The following KRT26 variants were observed in gnomAD, a reference collection of about 807,000 sequenced individuals.
The protein encoded by KRT26 is keratin, type I cytoskeletal 26.
Under a neutral mutation model 46.1 loss-of-function variants are expected in KRT26, and 45 were observed. The observed-to-expected ratio is 0.98, with a 90% CI of 0.77 to 1.25. KRT26 has a LOEUF of 1.25. KRT26 is among the 50% of genes most tolerant of loss of function. The pLI is 0.00. For missense variants in KRT26, 582 were observed against 560.1 expected (o/e 1.04, Z -0.39); for synonymous variants, 191 against 209.9 (o/e 0.91, Z 0.78).
chr17:40,768,311 T>C (rs947295308), intron 6 of KRT26, among the ~76,000 whole-genome samples: 1 of 152,204 alleles, frequency 6.6e-6, no homozygotes, highest in Admixed American at 6.6e-5. Context: ...TAGTTAAGAC[T>C]TGTTACAAGT....
At chr17:40,771,447 G>A (rs2038220436) in intron 1 of KRT26, among the ~76,000 whole-genome samples, 1 of 152,132 alleles carries the variant, frequency 6.6e-6, no homozygotes, top group African/African-American at 2.4e-5. Flanking sequence ...AATGGTATGA[G>A]CTAAATATAT....
chr17:40,771,194 T>C (rs1426565009), exon 2 of KRT26: 1 of 1,608,582 alleles, frequency 6.2e-7, no homozygotes, highest in Non-Finnish European at 8.5e-7. Context: ...GCATTGTCAT[T>C]TTGTAGAACA....
exon 8 of KRT26, chr17:40,766,635 C>A: frequency 6.2e-7 from 1 of 1,612,604 alleles, no homozygotes; most frequent in Non-Finnish European, 8.5e-7. Flanking sequence ...GTTCCTCAAC[C>A]ACTGTTTTAA....
exon 8 of KRT26, chr17:40,766,314 T>C (rs191456290): frequency 2.3e-4 from 90 of 394,380 alleles, no homozygotes; most frequent in African/African-American, 1.8e-3. Flanking sequence ...CAGAGCAGGA[T>C]TTTTCTACTC....
chr17:40,771,922 T>A, exon 1 of KRT26: 2 of 1,614,040 alleles, frequency 1.2e-6, no homozygotes, highest in Non-Finnish European at 1.7e-6. Context: ...AGGCACCACT[T>A]CCCAACCCTC....
At position 40,770,288 on chromosome 17, in the gene KRT26, C is replaced by A. The variant is rs1243151895; in HGVS notation, c.646G>T (p.Glu216Ter). 3 of 1,614,164 alleles carry A rather than the reference C, an allele frequency of 1.9e-6. No homozygotes were observed. In the South Asian group the frequency reaches 3.3e-5, roughly 18 times the overall value. ...CTTTTTTTGAGGTAGGTCAATTCCT[C>A]ACTGAGGGTCTCACACTGTATCTCC... The change falls in exon 3 of 8, where the codon GAG becomes TAG. Residue 216 changes from glutamate to a stop codon, truncating the protein, a stop_gained. Coordinates refer to ENST00000335552, the Ensembl canonical transcript of KRT26. LOFTEE classifies it high-confidence loss of function.
chr17:40,769,729 C>G, intron 5 of KRT26, 25 bp downstream of exon 5: 1 of 1,613,048 alleles, frequency 6.2e-7, no homozygotes, highest in Non-Finnish European at 8.5e-7. Context: ...CACATATATT[C>G]AATTCAATGG....
At chr17:40,770,440 T>A in intron 2 of KRT26, 31 bp from the exon 3 acceptor site, 1 of 1,551,086 alleles carries the variant, frequency 6.4e-7, no homozygotes, top group Non-Finnish European at 8.7e-7. Context: ...CTGAGAGTTG[T>A]CATCGTAGGC....
At chr17:40,766,689 T>C in intron 7 of KRT26, 23 bp from the exon 8 acceptor site, 1 of 1,562,156 alleles carries the variant, frequency 6.4e-7, no homozygotes. Flanking sequence ...AAATAAAACA[T>C]TAGTGGTCAT....
exon 8 of KRT26, chr17:40,766,469 TC>T (rs2038172936): frequency 8.2e-6 from 11 of 1,334,288 alleles, no homozygotes; most frequent in African/African-American, 3.5e-5. Context: ...TCTTTCTTTC[TC>T]TCTCTCTCTC....
intron 2 of KRT26, 33 bp downstream of exon 2, chr17:40,771,121 A>G (rs763410562): frequency 4.7e-6 from 6 of 1,267,742 alleles, no homozygotes; most frequent in Non-Finnish European, 6.6e-6. Flanking sequence ...TTTAACTTTT[A>G]TTAATATAAT....
intron 5 of KRT26, 132 bp from the exon 6 acceptor site, chr17:40,769,228 G>T: frequency 1.7e-6 from 1 of 576,450 alleles, no homozygotes; most frequent in Non-Finnish European, 3.0e-6. Context: ...CATGATCTTG[G>T]CTCACTGCAG....
At chr17:40,766,753 T>C in intron 7 of KRT26, 87 bp from the exon 8 acceptor site, 1 of 998,900 alleles carries the variant, frequency 1.0e-6, no homozygotes, top group South Asian at 1.6e-5. Flanking sequence ...TTTGTTTGTT[T>C]TTTTGAGAAG....
chr17:40,770,484 A>G (rs1337724548), intron 2 of KRT26, 75 bp from the exon 3 acceptor site: 1 of 1,195,824 alleles, frequency 8.4e-7, no homozygotes, highest in East Asian at 2.3e-5. Flanking sequence ...GGTATTTCAT[A>G]TGCTGAAAGA....
chr17:40,769,092 T>C, exon 6 of KRT26: 2 of 1,610,894 alleles, frequency 1.2e-6, no homozygotes, highest in Non-Finnish European at 1.7e-6. Flanking sequence ...TTCATAGGAA[T>C]GTTTCTGAAA....
exon 1 of KRT26, chr17:40,771,894 T>G (rs761546042): frequency 6.2e-7 from 1 of 1,614,156 alleles, no homozygotes; most frequent in Non-Finnish European, 8.5e-7. Context: ...CTGTGCTCAT[T>G]GCCAAGAAAA....
In KRT26 at chr17:40,770,420, A is replaced by T. The variant is rs898367219; in HGVS notation, c.525-11T>A. On this transcript the variant is annotated splice_polypyrimidine_tract_variant and intron_variant, in intron 2 of 7. Coordinates refer to ENST00000335552, the Ensembl canonical transcript of KRT26. ...AGCTCATTTTCATACCTGAAAGATT[A>T]GTAAGGCACCTGAGAGTTGTCATCG... 1.3e-6 allele frequency: 2 copies of T among 1,574,990 alleles called. No homozygotes were observed. The highest frequency in any genetic ancestry group is 1.4e-5 in the African/African-American group (1 of 73,440).
chr17:40,766,735 G>T (rs2038175743), intron 7 of KRT26, 69 bp from the exon 8 acceptor site: 8 of 1,164,432 alleles, frequency 6.9e-6, no homozygotes, highest in South Asian at 6.9e-5. Context: ...TAATAGGTAT[G>T]CTTTTTGTTT....
exon 8 of KRT26, chr17:40,766,378 T>C (rs2038172216): frequency 1.5e-6 from 1 of 647,706 alleles, no homozygotes; most frequent in East Asian, 2.8e-5. Flanking sequence ...GGAGAACAAA[T>C]TCTAGCCCTT....
Sources: gnomAD v4.1 joint callset for allele counts (sites outside exome capture counted in the v4.1 genomes callset) on GRCh38, gnomAD v4.1.1 for gene constraint, MANE v1.5 for transcripts, NCBI Gene and HGNC (gene_info 2026-07-23, HGNC 2026-07-21) for gene names.